AMER3: variants seen among roughly 807,000 people sequenced by gnomAD.
AMER3 encodes family with sequence similarity 123C.
For synonymous variants in AMER3, 541 were observed against 485.5 expected (o/e 1.11, Z -1.50); for missense variants, 1,201 against 1,139.4 (o/e 1.05, Z -0.78).
chr2:130,763,276 G>C lies in AMER3; in HGVS notation c.1204G>C (p.Ala402Pro). The C allele has an allele frequency of 6.2e-7, 1 of 1,613,816 alleles. No individual in the cohort carries two copies. Among genetic ancestry groups the C allele is most frequent in the Non-Finnish European group, 8.5e-7 (1 of 1,180,032 alleles). Residue 402 changes from alanine to proline, a missense_variant, in exon 2 of 2, where the codon GCT becomes CCT. Transcript: ENST00000321420. ...SPGLEEDKKE[A>P]ESPGTPAATF... is the part of the protein sequence containing the mutation. ...AGGACTTGAGGAGGACAAGAAGGAA[G>C]CTGAGAGCCCAGGCACTCCTGCCGC...
chr2:130,758,060 C>G (rs1273968314), intron 1 of AMER3, among the ~76,000 whole-genome samples: 5 of 151,686 alleles, frequency 3.3e-5, no homozygotes, highest in Non-Finnish European at 7.4e-5. Context: ...TGTGAACCCG[C>G]GAGGTGGAGC....
Position 130,763,517 on chromosome 2 carries a change from G to T in AMER3, c.1445G>T (p.Gly482Val). Residue 482 changes from glycine to valine, a missense_variant, in exon 2 of 2, where the codon GGC (glycine) becomes GTC (valine). Transcript: ENST00000321420. ...CCAGGCCCTGACCTGCTCAGCCAGGGCTTCCTACAGAGCTCCTGGAAGGGC... is the reference window on the plus strand; with the variant it reads ...CCAGGCCCTGACCTGCTCAGCCAGGTCTTCCTACAGAGCTCCTGGAAGGGC... ...PAPGPDLLSQ[G>V]FLQSSWKGKE... 1.2e-6 allele frequency: 2 copies of T among 1,612,460 alleles called. No individual in the cohort carries two copies. The highest frequency in any genetic ancestry group is 1.7e-6 in the Non-Finnish European group (2 of 1,179,698).
chr2:130,755,795 C>T (rs1678584032), intron 1 of AMER3, 121 bp downstream of exon 1: 1 of 152,374 alleles, frequency 6.6e-6, no homozygotes, highest in African/African-American at 2.4e-5. Flanking sequence ...CAGGCCCGCT[C>T]CGAACCCTGG....
rs1678952307 is a variant in AMER3, at chr2:130,765,296, G to C, written c.*638G>C. The C allele has an allele frequency of 6.0e-6, 1 of 167,020 alleles. No individual in the cohort carries two copies. The highest frequency in any genetic ancestry group is 2.4e-5 in the African/African-American group (1 of 41,454). The allele number at this position is 167,020 out of a possible 1,614,324, so 10.3% of individuals were successfully genotyped here. A position where few individuals can be genotyped will look rare whatever the true frequency, so the allele number is the denominator to read the frequency against. On this transcript the variant is annotated 3_prime_UTR_variant, in exon 2 of 2. Coordinates refer to ENST00000321420, the MANE Select transcript of AMER3 (RefSeq NM_152698.3). ...GGTATACAGACAGTTACACCGGTGTGAGTTATTAGCAGACAAACTATATTC... is the reference window on the plus strand; with the variant it reads ...GGTATACAGACAGTTACACCGGTGTCAGTTATTAGCAGACAAACTATATTC...
At position 130,765,166 on chromosome 2, in the gene AMER3, A is replaced by C. The variant is rs1216237608; in HGVS notation, c.*508A>C. ...TTTTTTAATTTTTTAAAAGATACTT[A>C]CATTTTAAAAGGATTTATTTGAGAA... is the stretch of plus-strand genomic sequence containing the variant. On this transcript the variant is annotated 3_prime_UTR_variant, in exon 2 of 2. Coordinates refer to ENST00000321420, the MANE Select transcript of AMER3 (RefSeq NM_152698.3). 5.9e-6 allele frequency: 1 copy of C among 168,456 alleles called. No individual in the cohort carries two copies. The highest frequency in any genetic ancestry group is 1.4e-5 in the Non-Finnish European group (1 of 69,214). The allele number at this position is 168,456 out of a possible 1,614,324, so 10.4% of individuals were successfully genotyped here.
At position 130,762,788 on chromosome 2, in the gene AMER3, C is replaced by T; in HGVS notation, c.716C>T (p.Ala239Val). ...GLCRALCEDVASLQSFDSLTG... is the reference protein window; with the variant it reads ...GLCRALCEDVVSLQSFDSLTG... ...TGCAGGGCCCTGTGTGAGGACGTGG[C>T]CTCACTCCAGAGCTTCGACTCGCTC... Residue 239 changes from alanine to valine, a missense_variant, in exon 2 of 2, where the codon GCC (alanine) becomes GTC (valine). Transcript: ENST00000321420. 6.2e-7 allele frequency: 1 copy of T among 1,611,392 alleles called. No individual in the cohort carries two copies.
Position 130,762,356 on chromosome 2 carries a change from A to G in AMER3, c.284A>G (p.His95Arg), listed in dbSNP as rs776456278. ...AAACCGGTGCGAAAGTGCAAGACTCACGACAGCATGTCTGGGGCAGGCAGG... is the reference window on the plus strand; with the variant it reads ...AAACCGGTGCGAAAGTGCAAGACTCGCGACAGCATGTCTGGGGCAGGCAGG... The part of the protein sequence containing the change: ...TFKPVRKCKT[H>R]DSMSGAGRAT... Residue 95 changes from histidine to arginine, a missense_variant, in exon 2 of 2, where the codon CAC (histidine) becomes CGC (arginine). By Grantham distance (29) the His-to-Arg change is conservative. Transcript: ENST00000321420. 4.3e-6 allele frequency: 7 copies of G among 1,612,072 alleles called. No individual in the cohort carries two copies. In the East Asian group the frequency reaches 1.3e-4, roughly 31 times the overall value.
chr2:130,756,251 C>T (rs1283757134), intron 1 of AMER3: 1 of 148,190 alleles, frequency 6.7e-6, no homozygotes, highest in Non-Finnish European at 1.5e-5. Context: ...TGGGTGCGGG[C>T]GCCGGGCCTC....
In AMER3 at chr2:130,763,145, C is replaced by G; in HGVS notation, c.1073C>G (p.Pro358Arg). The G allele has an allele frequency of 6.2e-7, 1 of 1,613,440 alleles. No individual in the cohort carries two copies. The highest frequency in any genetic ancestry group is 8.5e-7 in the Non-Finnish European group (1 of 1,180,014). Residue 358 changes from proline (P) to arginine (R), a missense_variant, in exon 2 of 2, where the codon CCT (proline) becomes CGT (arginine). Pro to Arg is a moderately radical substitution (Grantham distance 103). Coordinates refer to ENST00000321420, the MANE Select transcript of AMER3 (RefSeq NM_152698.3). Reference sequence around the variant, plus strand: ...CTGCCCCTCTGCCCCTGCAGGGACCCTCGCAGCGGCTCCAAAGCCAGCTCC... The same window carrying G: ...CTGCCCCTCTGCCCCTGCAGGGACCGTCGCAGCGGCTCCAAAGCCAGCTCC... ...AELPLCPCRDPRSGSKASSID... is the reference protein window; with the variant it reads ...AELPLCPCRDRRSGSKASSID...
chr2:130,763,758 A>T lies in AMER3; in HGVS notation c.1686A>T (p.Ala562=). 6.3e-7 allele frequency: 1 copy of T among 1,597,594 alleles called. No homozygotes were observed. Residue 562 remains alanine, a synonymous_variant, in exon 2 of 2, where the codon GCA becomes GCT. Coordinates refer to ENST00000321420, the MANE Select transcript of AMER3 (RefSeq NM_152698.3). ...SDAGGATVCS[A]PSRQELWAHP... Reference sequence around the variant, plus strand: ...CAGGGGGGGCGACAGTTTGCTCAGCACCCAGCAGGCAGGAGCTGTGGGCAC... The same window carrying T: ...CAGGGGGGGCGACAGTTTGCTCAGCTCCCAGCAGGCAGGAGCTGTGGGCAC...
At chr2:130,758,156 C>A (rs1168293739) in intron 1 of AMER3, among the ~76,000 whole-genome samples, 1 of 149,344 alleles carries the variant, frequency 6.7e-6, no homozygotes, top group Admixed American at 6.7e-5. Flanking sequence ...AAACAAAAAA[C>A]CCACCATCCT....
rs1383746691 is a variant in AMER3 at position 130,763,412 on chromosome 2, GTC to G, written c.1342_1343del (p.Leu448ValfsTer29). ...GATGATGACCTGTGCGTGTCTGAGA[GTC>G]TGTCAGGGCCGGCCCTGGGGACGCC... On this transcript the variant is annotated frameshift_variant, in exon 2 of 2. Transcript: ENST00000321420. LOFTEE classifies it low-confidence loss of function (END_TRUNC). 1 of 1,613,030 alleles carries G rather than the reference GTC, an allele frequency of 6.2e-7. No individual in the cohort carries two copies. Among genetic ancestry groups the G allele is most frequent in the East Asian group, 2.2e-5 (1 of 44,872 alleles).
In AMER3 at chr2:130,763,505, T is replaced by G. The variant is rs750268449; in HGVS notation, c.1433T>G (p.Leu478Arg). Reference sequence around the variant, plus strand: ...TTGGCCCCAGCACCAGGCCCTGACCTGCTCAGCCAGGGCTTCCTACAGAGC... The same window carrying G: ...TTGGCCCCAGCACCAGGCCCTGACCGGCTCAGCCAGGGCTTCCTACAGAGC... Reference protein sequence around the residue: ...ENLAPAPGPDLLSQGFLQSSW... With the variant: ...ENLAPAPGPDRLSQGFLQSSW... The change falls in exon 2 of 2, where the codon CTG becomes CGG. Residue 478 changes from leucine to arginine, a missense_variant. Transcript: ENST00000321420. 2 of 1,612,474 alleles carry G rather than the reference T, an allele frequency of 1.2e-6. No individual in the cohort carries two copies. The highest frequency in any genetic ancestry group is 1.3e-5 in the African/African-American group (1 of 75,054).
chr2:130,766,754 C>G lies in AMER3; in HGVS notation c.*2096C>G. 1 of 165,972 alleles carries G rather than the reference C, an allele frequency of 6.0e-6. No individual in the cohort carries two copies. The allele number at this position is 165,972 out of a possible 1,614,324, so 10.3% of individuals were successfully genotyped here. ...CCTCAACTAAAATGTCTCAAAATCT[C>G]AGCCTCCCACAGTGCTGGATGACAG... On this transcript the variant is annotated 3_prime_UTR_variant, in exon 2 of 2. Coordinates refer to ENST00000321420, the MANE Select transcript of AMER3 (RefSeq NM_152698.3).
rs763851302 is a variant in AMER3 at position 130,763,859 on chromosome 2, C to T, written c.1787C>T (p.Ser596Phe). ...GCCACACAAGGGACTGGCACACTGT[C>T]CAGGGATGCCTCTCGAGAGGAAGAG... ...GGATQGTGTL[S>F]RDASREEETR... Residue 596 changes from serine (S) to phenylalanine (F), a missense_variant, in exon 2 of 2, where the codon TCC (serine) becomes TTC (phenylalanine). Physicochemically the swap from Ser to Phe is radical, Grantham distance 155. Coordinates refer to ENST00000321420, the MANE Select transcript of AMER3 (RefSeq NM_152698.3). 6.2e-7 allele frequency: 1 copy of T among 1,613,426 alleles called. No individual in the cohort carries two copies. The highest frequency in any genetic ancestry group is 1.1e-5 in the South Asian group (1 of 91,090).
intron 1 of AMER3, among the ~76,000 whole-genome samples, chr2:130,760,066 CTT>C (rs1435396135): frequency 6.6e-6 from 1 of 152,216 alleles, no homozygotes; most frequent in African/African-American, 2.4e-5. Context: ...GTGGGAAAGA[CTT>C]AGGCATACAC....
In AMER3 at chr2:130,764,774, G is replaced by A. The variant is rs986672310; in HGVS notation, c.*116G>A. The A allele has an allele frequency of 3.9e-6, 5 of 1,281,102 alleles. No individual in the cohort carries two copies. The highest frequency in any genetic ancestry group is 1.6e-5 in the South Asian group (1 of 63,590). The allele number at this position is 1,281,102 out of a possible 1,614,324, so 79.4% of individuals were successfully genotyped here. On this transcript the variant is annotated 3_prime_UTR_variant, in exon 2 of 2. Transcript: ENST00000321420. The stretch of plus-strand genomic sequence containing the variant: ...GTGGGGACTGTGTTGGGGGTGGGGG[G>A]TGGCAGGACTCAGGCATGCAGAGGG...
intron 1 of AMER3, among the ~76,000 whole-genome samples, chr2:130,758,668 C>G (rs1678689742): frequency 6.6e-6 from 1 of 152,212 alleles, no homozygotes; most frequent in Non-Finnish European, 1.5e-5. Context: ...GGAGTGCAAT[C>G]AAGCACCAGA....
At chr2:130,761,053 G>A (rs1678762931) in intron 1 of AMER3, among the ~76,000 whole-genome samples, 1 of 152,084 alleles carries the variant, frequency 6.6e-6, no homozygotes, top group Non-Finnish European at 1.5e-5. Context: ...GACTGCCTCT[G>A]GCAAGTCCTC....
Sources: allele counts gnomAD v4.1 joint callset (sites outside exome capture counted in the v4.1 genomes callset), GRCh38; gene constraint gnomAD v4.1.1; transcripts MANE v1.5; gene names NCBI Gene and HGNC (gene_info 2026-07-23, HGNC 2026-07-21).